LRRC3B: variants seen among roughly 807,000 people sequenced by gnomAD.
The protein encoded by LRRC3B is leucine-rich repeat-containing protein 3B.
In LRRC3B, 2 loss-of-function variants were observed where a neutral mutation model predicts 12.8. That is an observed-to-expected ratio of 0.16 (90% CI 0.06 to 0.49). LRRC3B has a LOEUF of 0.49. LRRC3B is among the 20% of genes least tolerant of loss of function. The pLI, the probability that LRRC3B is intolerant of heterozygous loss-of-function variation, is 0.96. For missense variants in LRRC3B, 189 were observed against 319.4 expected (o/e 0.59, Z 3.11); for synonymous variants, 132 against 122.0 (o/e 1.08, Z -0.54).
At chr3:26,666,299 AT>A (rs1230656396) in intron 1 of LRRC3B, among the ~76,000 whole-genome samples, 2 of 152,148 alleles carry the variant, frequency 1.3e-5, no homozygotes, top group African/African-American at 2.4e-5. Flanking sequence ...AGGAAAATAC[AT>A]GGCTGCCTTC....
At chr3:26,654,283 G>A (rs1437245077) in intron 1 of LRRC3B, among the ~76,000 whole-genome samples, 1 of 152,152 alleles carries the variant, frequency 6.6e-6, no homozygotes, top group African/African-American at 2.4e-5. Context: ...CAACAGTGGG[G>A]CTTAGAGAAG....
chr3:26,628,573 T>A lies in LRRC3B; in HGVS notation c.-161+5336T>A, dbSNP rs74960548. ...TGTATTCATTTTATTATCTGAAGAT[T>A]GTGACTTTGATGAACTTTATTTGAT... On this transcript the variant is annotated intron_variant, in intron 1 of 1. Transcript: ENST00000396641. 1.3e-3 allele frequency among the ~76,000 whole-genome samples: 201 copies of A among 152,008 alleles called. 3 individuals are homozygous for A. In the East Asian group the frequency reaches 0.031, roughly 23 times the overall value.
At chr3:26,678,070 G>A (rs1412579766) in intron 1 of LRRC3B, among the ~76,000 whole-genome samples, 4 of 152,082 alleles carry the variant, frequency 2.6e-5, no homozygotes, top group African/African-American at 9.7e-5. Context: ...ACCTGCCTTG[G>A]CCTCCCAAAG....
chr3:26,680,492 A>AAAT (rs1168030108), intron 1 of LRRC3B, among the ~76,000 whole-genome samples: 1 of 152,206 alleles, frequency 6.6e-6, no homozygotes, highest in African/African-American at 2.4e-5. Context: ...GGTGTCTGGG[A>AAAT]AATAGAATTT....
chr3:26,709,056 A>G (rs1156622159), intron 1 of LRRC3B, among the ~76,000 whole-genome samples: 2 of 152,240 alleles, frequency 1.3e-5, no homozygotes, highest in Non-Finnish European at 2.9e-5. Flanking sequence ...CATCCATTCA[A>G]AAGCCATGAC....
intron 1 of LRRC3B, among the ~76,000 whole-genome samples, chr3:26,696,162 T>C (rs1312475693): frequency 3.9e-5 from 6 of 152,188 alleles, no homozygotes; most frequent in African/African-American, 1.4e-4. Context: ...ATGCAGGCAT[T>C]AAAATGATGA....
chr3:26,698,501 T>A (rs1700374979), intron 1 of LRRC3B, among the ~76,000 whole-genome samples: 1 of 152,098 alleles, frequency 6.6e-6, no homozygotes, highest in Non-Finnish European at 1.5e-5. Flanking sequence ...CCTTACTCTA[T>A]CTAGGATTCC....
chr3:26,709,477 A>G (rs1700694514), intron 1 of LRRC3B, 36 bp from the exon 2 acceptor site: 1 of 606,380 alleles, frequency 1.6e-6, no homozygotes, highest in African/African-American at 1.9e-5. Flanking sequence ...CTCCCTTTGC[A>G]AAGGAACTAA....
chr3:26,630,703 T>A (rs58862034), intron 1 of LRRC3B, among the ~76,000 whole-genome samples: 100 of 152,216 alleles, frequency 6.6e-4, no homozygotes, highest in African/African-American at 2.4e-3. Flanking sequence ...ACAAACAAAG[T>A]TGCGACTTTT....
intron 1 of LRRC3B, among the ~76,000 whole-genome samples, chr3:26,705,644 G>C (rs1005522978): frequency 6.6e-6 from 1 of 152,054 alleles, no homozygotes; most frequent in African/African-American, 2.4e-5. Context: ...ACTGCTTTGG[G>C]TTTGTGTGTA....
chr3:26,637,215 T>G (rs1041459079), intron 1 of LRRC3B, among the ~76,000 whole-genome samples: 2 of 151,916 alleles, frequency 1.3e-5, no homozygotes, highest in Admixed American at 6.6e-5. Flanking sequence ...TGTTTCTAAA[T>G]GTACATTCAT....
At chr3:26,627,016 T>A (rs1350797837) in intron 1 of LRRC3B, among the ~76,000 whole-genome samples, 1 of 152,208 alleles carries the variant, frequency 6.6e-6, no homozygotes, top group Non-Finnish European at 1.5e-5. Context: ...AAGTTTATGC[T>A]GATGTAAAGC....
intron 1 of LRRC3B, among the ~76,000 whole-genome samples, chr3:26,684,697 T>C (rs1700037408): frequency 6.6e-6 from 1 of 152,214 alleles, no homozygotes; most frequent in South Asian, 2.1e-4. Flanking sequence ...GGCAAAGCCC[T>C]CATAGCCTAA....
chr3:26,659,277 G>A (rs1244894468), intron 1 of LRRC3B, among the ~76,000 whole-genome samples: 1 of 152,124 alleles, frequency 6.6e-6, no homozygotes, highest in Non-Finnish European at 1.5e-5. Context: ...TTTTGAATCA[G>A]GGCAGCATTC....
intron 1 of LRRC3B, among the ~76,000 whole-genome samples, chr3:26,671,520 T>G (rs1281935803): frequency 6.7e-6 from 1 of 150,290 alleles, no homozygotes; most frequent in Non-Finnish European, 1.5e-5. Flanking sequence ...GCCTCCCAAG[T>G]AGCTGGGACT....
intron 1 of LRRC3B, among the ~76,000 whole-genome samples, chr3:26,647,693 T>C (rs1699182005): frequency 6.6e-6 from 1 of 152,152 alleles, no homozygotes; most frequent in African/African-American, 2.4e-5. Flanking sequence ...ATACAGCTCA[T>C]TGCCAGGAGT....
intron 1 of LRRC3B, among the ~76,000 whole-genome samples, chr3:26,675,229 A>G (rs749688322): frequency 1.3e-5 from 2 of 152,250 alleles, no homozygotes; most frequent in Non-Finnish European, 2.9e-5. Context: ...ATTCAGGTAC[A>G]GCATATAAAC....
intron 1 of LRRC3B, among the ~76,000 whole-genome samples, chr3:26,649,710 G>A (rs547480769): frequency 6.6e-6 from 1 of 152,026 alleles, no homozygotes; most frequent in South Asian, 2.1e-4. Context: ...ACTTTAATTT[G>A]GTTACTTCCT....
At chr3:26,690,654 G>C (rs1017217333) in intron 1 of LRRC3B, among the ~76,000 whole-genome samples, 1 of 151,984 alleles carries the variant, frequency 6.6e-6, no homozygotes, top group African/African-American at 2.4e-5. Context: ...AAGATGGGTG[G>C]TAATCTCAGT....
Sources: gnomAD v4.1 joint callset for allele counts (sites outside exome capture counted in the v4.1 genomes callset) on GRCh38, gnomAD v4.1.1 for gene constraint, MANE v1.5 for transcripts, NCBI Gene and HGNC (gene_info 2026-07-23, HGNC 2026-07-21) for gene names.